The following IL2 variants were observed in gnomAD, a reference collection of about 807,000 sequenced individuals.
IL2 encodes the protein interleukin 2, also known as interleukin-2.
Under a neutral mutation model 14.6 loss-of-function variants are expected in IL2, and 3 were observed. That is an observed-to-expected ratio of 0.21 (90% CI 0.09 to 0.53). The LOEUF (loss-of-function observed/expected upper bound fraction) is 0.53. Ranked by LOEUF, IL2 falls within the 20% of genes least tolerant of loss-of-function variation. The probability of loss-of-function intolerance (pLI) is 0.95; values close to 1 mark genes in which losing one functional copy is unlikely to be tolerated. For missense variants in IL2, 125 were observed against 170.8 expected, an observed-to-expected ratio of 0.73 and a Z score of 1.50; for synonymous variants, 71 against 60.0, an observed-to-expected ratio of 1.18 and a Z score of -0.85.
chr4:122,451,556 T>G lies in IL2; in HGVS notation c.*196A>C, dbSNP rs540787352. On this transcript the variant is annotated 3_prime_UTR_variant, in exon 4 of 4. Coordinates refer to ENST00000226730, the MANE Select transcript of IL2 (RefSeq NM_000586.4). ...ACATTCAACATAATAATAAATATTTTGGGATAAATAAGTGAAACCATTTTA... is the reference window on the plus strand; with the variant it reads ...ACATTCAACATAATAATAAATATTTGGGGATAAATAAGTGAAACCATTTTA... 2.9e-5 allele frequency: 9 copies of G among 315,030 alleles called. No homozygotes were observed. In the East Asian group the frequency reaches 4.5e-4, roughly 16 times the overall value. 19.5% of individuals were successfully genotyped at this position (315,030 alleles called of 1,614,324 possible). A position where few individuals can be genotyped will look rare whatever the true frequency, so the allele number is the denominator to read the frequency against.
intron 3 of IL2, among the ~76,000 whole-genome samples, 171 bp downstream of exon 3, chr4:122,453,539 A>G (rs899928394): frequency 6.6e-6 from 1 of 151,860 alleles, no homozygotes; most frequent in Non-Finnish European, 1.5e-5. Context: ...TCCCCAGTTA[A>G]TCATTTAACA....
chr4:122,451,894 A>G, intron 3 of IL2, 32 bp from the exon 4 acceptor site: 1 of 1,226,962 alleles, frequency 8.2e-7, no homozygotes. Context: ...TTTTTAAAGT[A>G]CAGAGTAGTT....
At position 122,453,814 on chromosome 4, in the gene IL2, GTTC is replaced by G; in HGVS notation, c.244_246del (p.Glu82del). 1 of 1,611,570 alleles carries G rather than the reference GTTC, an allele frequency of 6.2e-7. No individual in the cohort carries two copies. ...TTTAGCACTTCCTCCAGAGGTTTGAGTTCTTCTTCTAGACACTGAAGATGTTTC... is the reference window on the plus strand; with the variant it reads ...TTTAGCACTTCCTCCAGAGGTTTGAGTTCTTCTAGACACTGAAGATGTTTC... On this transcript the variant is annotated inframe_deletion, in exon 3 of 4. Coordinates refer to ENST00000226730, the MANE Select transcript of IL2 (RefSeq NM_000586.4).
At chr4:122,455,455 T>C (rs1445720723) in intron 2 of IL2, among the ~76,000 whole-genome samples, 2 of 151,978 alleles carry the variant, frequency 1.3e-5, no homozygotes, top group Admixed American at 1.3e-4. Context: ...AATTTTACTT[T>C]GTATTTCTCA....
Position 122,454,921 on chromosome 4 carries a change from A to G in IL2, c.208-1068T>C, listed in dbSNP as rs1034712013. ...GGAAAGGTAGGTCAAGACAATACCA[A>G]TCCCCTGATATGTCCATCTATTGCG... On this transcript the variant is annotated intron_variant, in intron 2 of 3. Coordinates refer to ENST00000226730, the MANE Select transcript of IL2 (RefSeq NM_000586.4). Among the ~76,000 whole-genome samples the G allele has an allele frequency of 2.6e-5, 4 of 151,830 alleles. No homozygotes were observed. The East Asian group carries it at 5.8e-4, about 22-fold the overall frequency.
chr4:122,454,462 A>G (rs1477447826), intron 2 of IL2, among the ~76,000 whole-genome samples: 1 of 151,796 alleles, frequency 6.6e-6, no homozygotes, highest in African/African-American at 2.4e-5. Flanking sequence ...AAAAATTATA[A>G]TACTTTGGGA....
chr4:122,453,716 T>C lies in IL2; in HGVS notation c.345A>G (p.Glu115=). The C allele has an allele frequency of 1.2e-6, 2 of 1,607,370 alleles. No individual in the cohort carries two copies. The highest frequency in any genetic ancestry group is 8.5e-7 in the Non-Finnish European group (1 of 1,177,026). The change falls in exon 3 of 4, where the codon GAA becomes GAG. Residue 115 remains glutamate, a synonymous_variant. Coordinates refer to ENST00000226730, the MANE Select transcript of IL2 (RefSeq NM_000586.4). ...LISNINVIVL[E]LKGSETTFMC... ...AAATAAAGTAATGCCTTACCTTTAG[T>C]TCCAGAACTATTACGTTGATATTGC...
intron 3 of IL2, among the ~76,000 whole-genome samples, chr4:122,453,415 A>G (rs983726431): frequency 3.3e-5 from 5 of 151,792 alleles, no homozygotes; most frequent in Admixed American, 3.3e-4. Context: ...TTTCTGTGAA[A>G]CTCAACTCAG....
intron 2 of IL2, among the ~76,000 whole-genome samples, chr4:122,454,703 A>G (rs139584917): frequency 1.3e-5 from 2 of 152,020 alleles, no homozygotes; most frequent in East Asian, 3.9e-4. Flanking sequence ...CTTTCTCATT[A>G]TAGCATTAAC....
chr4:122,454,945 C>T lies in IL2; in HGVS notation c.208-1092G>A, dbSNP rs1437498362. Among the ~76,000 whole-genome samples, 8 of 151,784 alleles carry T rather than the reference C, an allele frequency of 5.3e-5. No individual in the cohort carries two copies. In the East Asian group the frequency reaches 5.8e-4, roughly 11 times the overall value. ...AATCCCCTGATATGTCCATCTATTG[C>T]GCTTTCAATTCACCACTACAAATTC... On this transcript the variant is annotated intron_variant, in intron 2 of 3. Transcript: ENST00000226730.
At chr4:122,453,258 T>G (rs1324011049) in intron 3 of IL2, among the ~76,000 whole-genome samples, 1 of 150,704 alleles carries the variant, frequency 6.6e-6, no homozygotes, top group East Asian at 1.9e-4. Flanking sequence ...TGGCTCCAGT[T>G]TTTTTTTTTA....
intron 2 of IL2, among the ~76,000 whole-genome samples, chr4:122,454,067 C>G (rs543208905): frequency 1.3e-5 from 2 of 151,964 alleles, no homozygotes; most frequent in South Asian, 2.1e-4. Flanking sequence ...AGTTGACTCA[C>G]TGGTTTTAGC....
At chr4:122,455,716 G>C (rs1216047819) in intron 2 of IL2, among the ~76,000 whole-genome samples, 1 of 151,942 alleles carries the variant, frequency 6.6e-6, no homozygotes, top group Non-Finnish European at 1.5e-5. Context: ...CCCAGACTCT[G>C]TGCTATTAGT....
At chr4:122,454,348 A>G (rs1285886787) in intron 2 of IL2, among the ~76,000 whole-genome samples, 2 of 151,900 alleles carry the variant, frequency 1.3e-5, no homozygotes, top group Non-Finnish European at 2.9e-5. Context: ...GTGGCTCTCA[A>G]TATAGCCTTG....
At chr4:122,452,101 C>T (rs548350343) in intron 3 of IL2, among the ~76,000 whole-genome samples, 2 of 151,850 alleles carry the variant, frequency 1.3e-5, no homozygotes, top group South Asian at 2.1e-4. Flanking sequence ...AGTCAATGAA[C>T]ACAAAAATTT....
At position 122,456,651 on chromosome 4, in the gene IL2, T is replaced by C; in HGVS notation, c.-211A>G. On this transcript the variant is annotated 5_prime_UTR_variant, in exon 1 of 4. Transcript: ENST00000226730. Reference sequence around the variant, plus strand: ...TTCTGATGACTCTTTGGAATTTCTTTAAACCCCCAAAGACTGACTGAATGG... The same window carrying C: ...TTCTGATGACTCTTTGGAATTTCTTCAAACCCCCAAAGACTGACTGAATGG... 2 of 462,148 alleles carry C rather than the reference T, an allele frequency of 4.3e-6. No individual in the cohort carries two copies. Among genetic ancestry groups the C allele is most frequent in the Non-Finnish European group, 7.7e-6 (2 of 261,072 alleles). 28.6% of individuals were successfully genotyped at this position (462,148 alleles called of 1,614,324 possible).
chr4:122,453,508 T>A (rs942240454), intron 3 of IL2, among the ~76,000 whole-genome samples: 2 of 151,992 alleles, frequency 1.3e-5, no homozygotes, highest in East Asian at 3.9e-4. Flanking sequence ...AGATGGTAGG[T>A]GCAAACTCAG....
intron 3 of IL2, 40 bp from the exon 4 acceptor site, chr4:122,451,902 G>C: frequency 1.1e-5 from 11 of 1,028,074 alleles, no homozygotes; most frequent in East Asian, 2.8e-5. Flanking sequence ...GTACAGAGTA[G>C]TTTACCTTAT....
At chr4:122,452,169 A>G (rs1212748069) in intron 3 of IL2, among the ~76,000 whole-genome samples, 1 of 152,124 alleles carries the variant, frequency 6.6e-6, no homozygotes, top group Non-Finnish European at 1.5e-5. Context: ...GACAAATATT[A>G]AATGCTGGAT....
Sources: gnomAD v4.1 joint callset for allele counts (sites outside exome capture counted in the v4.1 genomes callset) on GRCh38, gnomAD v4.1.1 for gene constraint, MANE v1.5 for transcripts, NCBI Gene and HGNC (gene_info 2026-07-23, HGNC 2026-07-21) for gene names.